RSPH14: variants seen among roughly 807,000 people sequenced by gnomAD.
RSPH14 encodes radial spoke head 14 homolog, also known as rhabdoid tumor deletion region gene 1.
RSPH14 carries 20 observed loss-of-function variants against 26.7 expected under a neutral mutation model. The observed-to-expected ratio is 0.75, with a 90% CI of 0.53 to 1.09. The LOEUF is 1.09. Ranked by LOEUF, RSPH14 falls within the 50% of genes least tolerant of loss-of-function variation. The pLI, the probability that RSPH14 is intolerant of heterozygous loss-of-function variation, is 0.00. For missense variants in RSPH14, 449 were observed against 457.2 expected (o/e 0.98, Z 0.16); for synonymous variants, 177 against 189.3 (o/e 0.93, Z 0.53).
At chr22:23,158,287 C>T in the RSPH14 span, among the ~76,000 whole-genome samples, 1 of 152,232 alleles carries the variant, frequency 6.6e-6, no homozygotes, top group East Asian at 1.9e-4. Context: ...CAGGCACGTG[C>T]TCAGAGGGGC....
At position 23,082,216 on chromosome 22, in the gene RSPH14, TTTTG is replaced by T. The variant is rs1158089092; in HGVS notation, c.422-18087_422-18084del. Among the ~76,000 whole-genome samples, 9 of 151,892 alleles carry T rather than the reference TTTTG, an allele frequency of 5.9e-5. No homozygotes were observed. In the East Asian group the frequency reaches 1.4e-3, roughly 23 times the overall value. On this transcript the variant is annotated intron_variant, in intron 4 of 6. Coordinates refer to ENST00000216036, the MANE Select transcript of RSPH14 (RefSeq NM_014433.3). ...GGTCTTTTTCGTTGTGTTTTTTTGT[TTTTG>T]TTTGTTTGTTTATTTGTTTTGAGTC...
At chr22:23,095,978 T>C in intron 4 of RSPH14, 1 of 1,610,978 alleles carries the variant, frequency 6.2e-7, no homozygotes, top group East Asian at 2.2e-5. Flanking sequence ...CAGGATCGAC[T>C]TCCACAACCC....
chr22:23,134,208 G>T, intron 3 of RSPH14, 64 bp from the exon 4 acceptor site: 1 of 1,246,840 alleles, frequency 8.0e-7, no homozygotes, highest in South Asian at 1.3e-5. Flanking sequence ...CAAATTAGAA[G>T]AGTCAGGGTC....
chr22:23,153,176 C>CA, the RSPH14 span: 1 of 1,454,460 alleles, frequency 6.9e-7, no homozygotes, highest in South Asian at 1.1e-5. Flanking sequence ...CAGCTTCCTA[C>CA]AGGCACCTGA....
chr22:23,157,968 T>G, the RSPH14 span: 1 of 1,614,146 alleles, frequency 6.2e-7, no homozygotes. Context: ...ACTGATTGGC[T>G]GTTGGCTTTT....
chr22:23,160,909 T>C, the RSPH14 span: 178 of 1,613,894 alleles, frequency 1.1e-4, no homozygotes, highest in African/African-American at 8.7e-4. Context: ...TTCAGCCGCG[T>C]AGCCGCCCTG....
At chr22:23,170,873 G>A in the RSPH14 span, among the ~76,000 whole-genome samples, 2 of 152,058 alleles carry the variant, frequency 1.3e-5, no homozygotes, top group Non-Finnish European at 2.9e-5. Flanking sequence ...TAGAGATGGG[G>A]TCTGACTATG....
At chr22:23,180,703 G>T in the RSPH14 span, 3,491 of 149,894 alleles carry the variant, frequency 0.023, 113 homozygotes, top group African/African-American at 0.08. Context: ...CCCGCGCCTC[G>T]CCGTGCGGAG....
intron 4 of RSPH14, among the ~76,000 whole-genome samples, chr22:23,099,126 G>A (rs914755010): frequency 2.6e-5 from 4 of 152,222 alleles, no homozygotes; most frequent in South Asian, 2.1e-4. Flanking sequence ...CCACCCCCAC[G>A]CCTGGCGAAG....
chr22:23,145,765 G>A (rs2070732718), upstream of RSPH14, among the ~76,000 whole-genome samples: 1 of 152,272 alleles, frequency 6.6e-6, no homozygotes, highest in Non-Finnish European at 1.5e-5. Flanking sequence ...GTCAGATGCG[G>A]GAAGACAACC....
chr22:23,150,258 C>T, the RSPH14 span: 6 of 881,944 alleles, frequency 6.8e-6, no homozygotes, highest in African/African-American at 1.0e-4. Context: ...GAGGCTGGTG[C>T]AGCCCTGTAC....
rs200251269 is a variant in RSPH14, at chr22:23,061,796, C to T, written c.790+13G>A. 107 of 1,613,674 alleles carry T rather than the reference C, an allele frequency of 6.6e-5. No homozygotes were observed. The highest frequency in any genetic ancestry group is 3.3e-4 in the Middle Eastern group (2 of 6,078). ...TAGGGTCTCCCTCCCTGCGGCACCCCCCACCGCCTCACCTTCAGTGATCAC... is the reference window on the plus strand; with the variant it reads ...TAGGGTCTCCCTCCCTGCGGCACCCTCCACCGCCTCACCTTCAGTGATCAC... On this transcript the variant is annotated intron_variant, in intron 6 of 6. Coordinates refer to ENST00000216036, the MANE Select transcript of RSPH14 (RefSeq NM_014433.3).
At chr22:23,066,307 A>C (rs1483436563) in intron 4 of RSPH14, among the ~76,000 whole-genome samples, 1 of 152,158 alleles carries the variant, frequency 6.6e-6, no homozygotes, top group Non-Finnish European at 1.5e-5. Context: ...GGAGGAATAT[A>C]GAAGGAGTTG....
At chr22:23,098,236 T>A (rs1409929168) in intron 4 of RSPH14, among the ~76,000 whole-genome samples, 1 of 152,250 alleles carries the variant, frequency 6.6e-6, no homozygotes, top group Non-Finnish European at 1.5e-5. Context: ...AGCCTTAAGC[T>A]TGTAATGATC....
intron 4 of RSPH14, among the ~76,000 whole-genome samples, chr22:23,074,712 T>C (rs563666518): frequency 2.6e-5 from 4 of 152,088 alleles, no homozygotes; most frequent in African/African-American, 9.6e-5. Context: ...AGATTGAGGA[T>C]TGACGGGCAA....
chr22:23,160,293 C>T, the RSPH14 span, among the ~76,000 whole-genome samples: 1 of 152,148 alleles, frequency 6.6e-6, no homozygotes, highest in African/African-American at 2.4e-5. Context: ...ACAGTGAGTT[C>T]ACCGACAGCT....
At chr22:23,161,298 C>T in the RSPH14 span, among the ~76,000 whole-genome samples, 3 of 152,156 alleles carry the variant, frequency 2.0e-5, no homozygotes, top group Non-Finnish European at 2.9e-5. Context: ...GTCCTGGCCC[C>T]GGCTCTCCCA....
intron 4 of RSPH14, among the ~76,000 whole-genome samples, chr22:23,098,889 G>A (rs903208711): frequency 2.0e-5 from 3 of 152,204 alleles, no homozygotes; most frequent in African/African-American, 7.2e-5. Context: ...GTGCTGGCAC[G>A]GGCTGGCACA....
At chr22:23,063,864 C>T (rs1254630266) in intron 5 of RSPH14, 38 bp downstream of exon 5, 1 of 1,603,794 alleles carries the variant, frequency 6.2e-7, no homozygotes, top group Non-Finnish European at 8.5e-7. Context: ...GTGCCTTCTC[C>T]CAGCCTTGGT....
Sources: gnomAD v4.1 joint callset for allele counts (sites outside exome capture counted in the v4.1 genomes callset) on GRCh38, gnomAD v4.1.1 for gene constraint, MANE v1.5 for transcripts, NCBI Gene and HGNC (gene_info 2026-07-23, HGNC 2026-07-21) for gene names.